Variants in CCDC7 observed in about 807,000 individuals in gnomAD.
CCDC7 encodes the protein coiled-coil domain-containing protein 7.
Under a neutral mutation model 196.9 loss-of-function variants are expected in CCDC7, and 183 were observed. The ratio of observed to expected loss-of-function variants is 0.93; its 90% CI spans 0.82 to 1.05. The LOEUF is 1.05. Among genes scored for constraint, CCDC7 ranks in the 50% least tolerant of loss-of-function variants. CCDC7 has a pLI of 0.00. For synonymous variants in CCDC7, 525 were observed against 484.6 expected (o/e 1.08, Z -1.10); for missense variants, 1,540 against 1,482.2 (o/e 1.04, Z -0.64).
intron 18 of CCDC7, among the ~76,000 whole-genome samples, chr10:32,586,107 G>A (rs2059242903): frequency 6.6e-6 from 1 of 152,144 alleles, no homozygotes; most frequent in Admixed American, 6.5e-5. Context: ...GTTTTGATTT[G>A]CATTTCTCTA....
chr10:32,497,242 C>T (rs1390543282), intron 9 of CCDC7, among the ~76,000 whole-genome samples: 3 of 152,150 alleles, frequency 2.0e-5, no homozygotes, highest in Admixed American at 6.5e-5. Flanking sequence ...GTGATATTCC[C>T]TTTATCATTT....
chr10:32,817,564 A>G (rs1426744319), intron 31 of CCDC7, among the ~76,000 whole-genome samples: 17 of 151,978 alleles, frequency 1.1e-4, no homozygotes, highest in Non-Finnish European at 2.2e-4. Flanking sequence ...AATGAAGGAA[A>G]AAATGTTAAG....
At chr10:32,501,013 C>A (rs1481416784) in intron 9 of CCDC7, among the ~76,000 whole-genome samples, 1 of 152,096 alleles carries the variant, frequency 6.6e-6, no homozygotes, top group Non-Finnish European at 1.5e-5. Flanking sequence ...CCAGCCTCCG[C>A]TCGGCATCAG....
At chr10:32,770,572 G>A (rs2079020009) in intron 28 of CCDC7, among the ~76,000 whole-genome samples, 1 of 152,146 alleles carries the variant, frequency 6.6e-6, no homozygotes. Context: ...GTGCTGATGA[G>A]AAGAATGTTT....
intron 20 of CCDC7, among the ~76,000 whole-genome samples, chr10:32,661,480 G>T (rs1032274985): frequency 5.9e-5 from 9 of 152,192 alleles, no homozygotes; most frequent in African/African-American, 2.2e-4. Context: ...TTGGAAATGT[G>T]CTGGGTCTCA....
chr10:32,681,497 G>T (rs2075841938), intron 21 of CCDC7, among the ~76,000 whole-genome samples: 1 of 152,042 alleles, frequency 6.6e-6, no homozygotes, highest in East Asian at 1.9e-4. Flanking sequence ...AACTTAAGGC[G>T]ATTAGACTAA....
intron 41 of CCDC7, among the ~76,000 whole-genome samples, chr10:32,874,603 A>T (rs981795575): frequency 2.0e-5 from 3 of 151,682 alleles, no homozygotes; most frequent in Non-Finnish European, 4.4e-5. Context: ...TTGCTGCAAA[A>T]GACATTATTT....
chr10:32,814,420 G>A (rs2087915936), exon 31 of CCDC7: 1 of 1,612,088 alleles, frequency 6.2e-7, no homozygotes, highest in Non-Finnish European at 8.5e-7. Flanking sequence ...TATACTAAAG[G>A]ATGAATTCAA....
At chr10:32,716,102 C>T (rs2081529273) in intron 25 of CCDC7, among the ~76,000 whole-genome samples, 1 of 152,196 alleles carries the variant, frequency 6.6e-6, no homozygotes, top group South Asian at 2.1e-4. Flanking sequence ...ACATAATTAT[C>T]AGATTTACCA....
chr10:32,800,397 T>C lies in CCDC7; in HGVS notation c.3014-4618T>C, dbSNP rs149411293. ...CTACTAAGTATGTCTGTCCCAATTA[T>C]GCATTCTGGCACTGGGGAAATGACC... On this transcript the variant is annotated intron_variant, in intron 29 of 41. Coordinates refer to ENST00000639629, the Ensembl canonical transcript of CCDC7. 2.4e-3 allele frequency among the ~76,000 whole-genome samples: 368 copies of C among 152,292 alleles called. 6 individuals carry two copies. The highest frequency in any genetic ancestry group is 0.015 in the East Asian group (80 of 5,180).
At chr10:32,600,003 T>C (rs2060826754) in intron 18 of CCDC7, among the ~76,000 whole-genome samples, 1 of 152,194 alleles carries the variant, frequency 6.6e-6, no homozygotes, top group African/African-American at 2.4e-5. Context: ...GTTCCATTGG[T>C]CTATCTACTT....
chr10:32,817,440 CA>C (rs1489174858), intron 31 of CCDC7, among the ~76,000 whole-genome samples: 1 of 152,120 alleles, frequency 6.6e-6, no homozygotes, highest in East Asian at 1.9e-4. Flanking sequence ...AGAACTTCCC[CA>C]ATCTAGCAAG....
At chr10:32,504,598 G>A (rs567396987) in intron 9 of CCDC7, among the ~76,000 whole-genome samples, 13 of 152,096 alleles carry the variant, frequency 8.5e-5, no homozygotes, top group Non-Finnish European at 1.6e-4. Flanking sequence ...GTTTTAGTAT[G>A]TTGTATTTCC....
chr10:32,747,429 G>A (rs1248605682), intron 28 of CCDC7, among the ~76,000 whole-genome samples: 1 of 151,978 alleles, frequency 6.6e-6, no homozygotes, highest in Non-Finnish European at 1.5e-5. Flanking sequence ...GTAAAGAGAC[G>A]ACCTATAGAA....
chr10:32,535,662 A>G (rs2050357275), intron 11 of CCDC7, among the ~76,000 whole-genome samples: 1 of 152,150 alleles, frequency 6.6e-6, no homozygotes, highest in African/African-American at 2.4e-5. Flanking sequence ...ACGAAATCTC[A>G]TAGGTGGCTG....
intron 22 of CCDC7, among the ~76,000 whole-genome samples, chr10:32,688,841 A>C (rs2076753324): frequency 6.6e-6 from 1 of 152,246 alleles, no homozygotes; most frequent in Non-Finnish European, 1.5e-5. Context: ...ACATATTCAA[A>C]GTGCAGGAAT....
chr10:32,676,410 A>C (rs1208962004), intron 21 of CCDC7, among the ~76,000 whole-genome samples: 2 of 151,748 alleles, frequency 1.3e-5, no homozygotes, highest in Non-Finnish European at 2.9e-5. Flanking sequence ...AGCAAAAGAA[A>C]CTACCATCAG....
intron 18 of CCDC7, among the ~76,000 whole-genome samples, chr10:32,606,374 T>TC (rs375396288): frequency 3.9e-4 from 59 of 151,824 alleles, no homozygotes; most frequent in African/African-American, 1.3e-3. Context: ...CCACACAGAG[T>TC]CCCCAACAGG....
intron 18 of CCDC7, among the ~76,000 whole-genome samples, chr10:32,586,694 G>A (rs1265768795): frequency 6.6e-6 from 1 of 152,140 alleles, no homozygotes; most frequent in Non-Finnish European, 1.5e-5. Flanking sequence ...TAGATGTGTA[G>A]TTTTATTTCT....
Sources: gnomAD v4.1 joint callset for allele counts (sites outside exome capture counted in the v4.1 genomes callset) on GRCh38, gnomAD v4.1.1 for gene constraint, MANE v1.5 for transcripts, NCBI Gene and HGNC (gene_info 2026-07-23, HGNC 2026-07-21) for gene names.